PNPLA7: variants seen among roughly 807,000 people sequenced by gnomAD.
PNPLA7 encodes patatin like domain 7, lysophospholipase.
In PNPLA7, 153 loss-of-function variants were observed where a neutral mutation model predicts 161.7. The ratio of observed to expected loss-of-function variants is 0.95; its 90% CI spans 0.83 to 1.08. The LOEUF is 1.08. PNPLA7 is among the 50% of genes least tolerant of loss of function. The pLI is 0.00. For synonymous variants in PNPLA7, 809 were observed against 782.1 expected, an observed-to-expected ratio of 1.03 and a Z score of -0.57; for missense variants, 1,739 against 1,856.6, an observed-to-expected ratio of 0.94 and a Z score of 1.16.
At position 137,500,559 on chromosome 9, in the gene PNPLA7, C is replaced by T. The variant is rs930047805; in HGVS notation, c.1757+132G>A. On this transcript the variant is annotated intron_variant, in intron 16 of 34. Transcript: ENST00000406427. This position sits in a 1 kb window ranked among gnomAD's most constrained non-coding sequence, Gnocchi z 5.5. ...CACAGACCTGGGCCCACACAGGTGC[C>T]GGGGACAAAGAGGGGAGCCCGAGAA... 6.8e-5 allele frequency: 58 copies of T among 854,756 alleles called. No homozygotes were observed. The highest frequency in any genetic ancestry group is 5.5e-4 in the South Asian group (32 of 57,682). 52.9% of individuals were successfully genotyped at this position (854,756 alleles called of 1,614,324 possible).
intron 19 of PNPLA7, among the ~76,000 whole-genome samples, chr9:137,493,420 G>A (rs1051992991): frequency 3.3e-5 from 5 of 152,204 alleles, no homozygotes; most frequent in East Asian, 1.9e-4. Flanking sequence ...AGCCACCCAC[G>A]ACCCTGAAGG....
rs534970126 is a variant in PNPLA7, at chr9:137,544,891, G to A, written c.274-1076C>T. 1.1e-4 allele frequency among the ~76,000 whole-genome samples: 16 copies of A among 152,208 alleles called. No homozygotes were observed. In the East Asian group the frequency reaches 1.4e-3, roughly 13 times the overall value. ...TCTCGAACTCCTGACCTCATGATCCGCCCACCTCAGCCTCTCAAAGTGCTG... is the reference window on the plus strand; with the variant it reads ...TCTCGAACTCCTGACCTCATGATCCACCCACCTCAGCCTCTCAAAGTGCTG... On this transcript the variant is annotated intron_variant, in intron 4 of 34. Transcript: ENST00000406427.
chr9:137,541,782 C>T lies in PNPLA7; in HGVS notation c.666+860G>A, dbSNP rs1239844918. ...ATTGAGCTCCTACGTGGATTCACAC[C>T]CGAATTTTTTTTTTTTTGAGACAGG... is the stretch of plus-strand genomic sequence containing the variant. On this transcript the variant is annotated intron_variant, in intron 7 of 34. Transcript: ENST00000406427. The surrounding 1 kb of genome is among the most constrained non-coding windows in gnomAD (Gnocchi z 4.4). Among the ~76,000 whole-genome samples the T allele has an allele frequency of 2.0e-5, 3 of 151,998 alleles. No homozygotes were observed. Among genetic ancestry groups the T allele is most frequent in the African/African-American group, 7.2e-5 (3 of 41,406 alleles).
At chr9:137,497,509 A>T (rs1252594246) in intron 17 of PNPLA7, among the ~76,000 whole-genome samples, 199 bp from the exon 18 acceptor site, 1 of 152,238 alleles carries the variant, frequency 6.6e-6, no homozygotes, top group African/African-American at 2.4e-5. Context: ...TGAATATTCT[A>T]AAATTGTCTT....
intron 12 of PNPLA7, among the ~76,000 whole-genome samples, chr9:137,514,277 GC>G (rs780529490): frequency 3.5e-5 from 5 of 143,292 alleles, no homozygotes; most frequent in Non-Finnish European, 7.6e-5. Flanking sequence ...CTGTTGAGAT[GC>G]CCGGGCCCTG....
intron 8 of PNPLA7, among the ~76,000 whole-genome samples, chr9:137,534,334 G>A (rs535929769): frequency 2.6e-5 from 4 of 151,096 alleles, no homozygotes; most frequent in Non-Finnish European, 4.4e-5. Flanking sequence ...TACTCCAGGC[G>A]GGAGCACTCC....
chr9:137,536,796 G>C (rs1489325841), intron 8 of PNPLA7, among the ~76,000 whole-genome samples: 2 of 151,562 alleles, frequency 1.3e-5, no homozygotes, highest in Non-Finnish European at 2.9e-5. Flanking sequence ...GCCATCCACC[G>C]AGCCACACTT....
At chr9:137,466,133 G>A (rs1316738639) in intron 26 of PNPLA7, among the ~76,000 whole-genome samples, 1 of 152,158 alleles carries the variant, frequency 6.6e-6, no homozygotes, top group Non-Finnish European at 1.5e-5. Flanking sequence ...ACGGCCCCCA[G>A]CGTGCCTGAA....
At chr9:137,488,231 G>A (rs1174352246) in intron 20 of PNPLA7, among the ~76,000 whole-genome samples, 3 of 151,896 alleles carry the variant, frequency 2.0e-5, no homozygotes, top group East Asian at 1.9e-4. Context: ...CTGATGTCTC[G>A]TCCCGAGCTT....
chr9:137,461,607 G>A lies in PNPLA7; in HGVS notation c.3770C>T (p.Pro1257Leu). The A allele has an allele frequency of 1.9e-6, 3 of 1,612,124 alleles. No individual in the cohort carries two copies. The South Asian group carries it at 3.3e-5, about 18-fold the overall frequency. ...GGCAAGGTCCGTGAAGGAGGCGTTG[G>A]GACAGGTGAGGACCTAGGGGTGGGG... is the stretch of plus-strand genomic sequence containing the variant. ...KKPASAVLTCPNASFTDLAEI... is the reference protein window; with the variant it reads ...KKPASAVLTCLNASFTDLAEI... The change falls in exon 33 of 35, where the codon CCC (proline) becomes CTC (leucine). Residue 1257 changes from proline to leucine, a missense_variant. Physicochemically the swap from Pro to Leu is moderately conservative, Grantham distance 98. This residue lies in a region of PNPLA7 where 703 missense variants were observed against 694.6 expected (regional missense o/e 1.01). Coordinates refer to ENST00000406427, the MANE Select transcript of PNPLA7 (RefSeq NM_001098537.3).
chr9:137,539,557 T>C (rs1836077391), intron 8 of PNPLA7, among the ~76,000 whole-genome samples: 1 of 151,950 alleles, frequency 6.6e-6, no homozygotes, highest in Admixed American at 6.6e-5. Flanking sequence ...GCACGCCTGC[T>C]ACTTGGGAAG....
In PNPLA7 at chr9:137,547,530, T is replaced by G. The variant is rs1588726677; in HGVS notation, c.105+55A>C. Reference sequence around the variant, plus strand: ...GCCAGGGGATGGGGACAGGGAGAGGTGAAAAAGGCCACGGCCCATCCAGGT... The same window carrying G: ...GCCAGGGGATGGGGACAGGGAGAGGGGAAAAAGGCCACGGCCCATCCAGGT... On this transcript the variant is annotated intron_variant, in intron 2 of 34. Coordinates refer to ENST00000406427, the MANE Select transcript of PNPLA7 (RefSeq NM_001098537.3). This position sits in a 1 kb window ranked among gnomAD's most constrained non-coding sequence, Gnocchi z 4.6. The G allele has an allele frequency of 6.2e-7, 1 of 1,602,526 alleles. No homozygotes were observed. Among genetic ancestry groups the G allele is most frequent in the Non-Finnish European group, 8.5e-7 (1 of 1,171,824 alleles).
intron 20 of PNPLA7, 68 bp from the exon 21 acceptor site, chr9:137,484,804 G>A: frequency 6.7e-7 from 1 of 1,488,184 alleles, no homozygotes; most frequent in Non-Finnish European, 9.0e-7. Context: ...AGATGCCCTG[G>A]GGCCCCCCGA....
intron 11 of PNPLA7, chr9:137,516,390 G>A (rs1467055363): frequency 5.1e-6 from 5 of 984,922 alleles, no homozygotes; most frequent in Non-Finnish European, 6.0e-6. Flanking sequence ...TACCTACAGA[G>A]GCCCATGAGC....
rs576711313 is a variant in PNPLA7, at chr9:137,543,777, G to A, written c.312C>T (p.Ala104=). 3.1e-6 allele frequency: 5 copies of A among 1,613,902 alleles called. No homozygotes were observed. Among genetic ancestry groups the A allele is most frequent in the Non-Finnish European group, 4.2e-6 (5 of 1,179,982 alleles). ...TLPNTLVENT[A]LPRQRARKRT... ...TCTTCCTGGCCCGCTGCCGGGGCAG[G>A]GCAGTGTTCTCCACAAGGGTGTTGG... Residue 104 remains alanine, a synonymous_variant, in exon 5 of 35, where the codon GCC becomes GCT. Coordinates refer to ENST00000406427, the MANE Select transcript of PNPLA7 (RefSeq NM_001098537.3). This position sits in a 1 kb window ranked among gnomAD's most constrained non-coding sequence, Gnocchi z 6.9.
intron 33 of PNPLA7, 118 bp downstream of exon 33, chr9:137,461,418 G>T: frequency 8.9e-7 from 1 of 1,120,382 alleles, no homozygotes; most frequent in Non-Finnish European, 1.3e-6. Context: ...GCTGGAGCCT[G>T]GGCGTGGACG....
rs1836128071 is a variant in PNPLA7 at position 137,540,362 on chromosome 9, T to C, written c.747+280A>G. ...TTCCCTCTACAACACTTTGTGCCTT[T>C]TGAATGCTGAACCACATGCATTTAT... On this transcript the variant is annotated intron_variant, in intron 8 of 34. Coordinates refer to ENST00000406427, the MANE Select transcript of PNPLA7 (RefSeq NM_001098537.3). This position sits in a 1 kb window ranked among gnomAD's most constrained non-coding sequence, Gnocchi z 5.1. Among the ~76,000 whole-genome samples, 1 of 152,194 alleles carries C rather than the reference T, an allele frequency of 6.6e-6. No individual in the cohort carries two copies. The highest frequency in any genetic ancestry group is 6.5e-5 in the Admixed American group (1 of 15,280).
At position 137,540,642 on chromosome 9, in the gene PNPLA7, G is replaced by A. The variant is rs573877009; in HGVS notation, c.747C>T (p.Thr249=). The A allele has an allele frequency of 8.9e-5, 144 of 1,610,100 alleles. No individual in the cohort carries two copies. Among genetic ancestry groups the A allele is most frequent in the Admixed American group, 7.0e-4 (42 of 59,700 alleles). The change falls in exon 8 of 35, where the codon ACC becomes ACT. Residue 249 remains threonine (T), a splice_region_variant and synonymous_variant. Coordinates refer to ENST00000406427, the MANE Select transcript of PNPLA7 (RefSeq NM_001098537.3). This position sits in a 1 kb window ranked among gnomAD's most constrained non-coding sequence, Gnocchi z 5.1. ...HSLLSILDII[T]GHAAPYKTVS... The stretch of plus-strand genomic sequence containing the variant: ...GAGGGCCAGGCAGCGGGGGACTCAC[G>A]GTGATGATGTCCAGGATGCTGAGCA...
chr9:137,529,154 C>T (rs2132536344), intron 8 of PNPLA7, among the ~76,000 whole-genome samples: 1 of 152,260 alleles, frequency 6.6e-6, no homozygotes, highest in South Asian at 2.1e-4. Flanking sequence ...TGTACCACCA[C>T]ACTAACCTAA....
Sources: gnomAD v4.1 joint callset for allele counts (sites outside exome capture counted in the v4.1 genomes callset) on GRCh38, gnomAD v4.1.1 for gene constraint, gnomAD v4.1.1 regional missense constraint, Gnocchi (gnomAD v3.1) non-coding constraint, MANE v1.5 for transcripts, NCBI Gene and HGNC (gene_info 2026-07-23, HGNC 2026-07-21) for gene names.